Variants in MTREX observed in about 807,000 individuals in gnomAD.
MTREX encodes exosome RNA helicase MTR4.
In MTREX, 76 loss-of-function variants were observed where a neutral mutation model predicts 135.4. The observed-to-expected ratio is 0.56, with a 90% CI of 0.47 to 0.68. The LOEUF is 0.68. Ranked by LOEUF, MTREX falls within the 30% of genes least tolerant of loss-of-function variation. MTREX has a pLI of 0.00. For synonymous variants in MTREX, 404 were observed against 401.6 expected (o/e 1.01, Z -0.07); for missense variants, 920 against 1,262.1 (o/e 0.73, Z 4.11).
chr5:55,410,777 C>A, intron 23 of MTREX, 148 bp downstream of exon 23: 6 of 467,420 alleles, frequency 1.3e-5, no homozygotes, highest in South Asian at 9.3e-5. Context: ...CACAAATGTA[C>A]TAAGAAAATT....
At chr5:55,408,007 C>T (rs887869163) in intron 22 of MTREX, among the ~76,000 whole-genome samples, 1 of 152,128 alleles carries the variant, frequency 6.6e-6, no homozygotes, top group East Asian at 1.9e-4. Context: ...GTCCGCCCAC[C>T]TTACCACCCA....
At chr5:55,383,099 C>A (rs1750422572) in intron 18 of MTREX, among the ~76,000 whole-genome samples, 1 of 152,164 alleles carries the variant, frequency 6.6e-6, no homozygotes, top group African/African-American at 2.4e-5. Context: ...TTGCTCCCAC[C>A]TACTTCCATT....
intron 16 of MTREX, among the ~76,000 whole-genome samples, chr5:55,372,000 T>C (rs978329735): frequency 3.9e-5 from 6 of 152,122 alleles, no homozygotes; most frequent in Admixed American, 3.3e-4. Flanking sequence ...GATGCTTCCC[T>C]GTTATCCCCC....
At chr5:55,385,363 G>T (rs62360530) in intron 18 of MTREX, among the ~76,000 whole-genome samples, 19,641 of 152,122 alleles carry the variant, frequency 0.13, 1,516 homozygotes, top group East Asian at 0.26. Context: ...GTAGAGGCTA[G>T]GTGAACGAAG....
chr5:55,418,215 C>T (rs1219701313), intron 25 of MTREX, among the ~76,000 whole-genome samples: 1 of 120,834 alleles, frequency 8.3e-6, no homozygotes, highest in Non-Finnish European at 1.6e-5. Flanking sequence ...GCCTGGGTGA[C>T]AGAGCGAGAC....
At position 55,405,602 on chromosome 5, in the gene MTREX, A is replaced by T. The variant is rs1579897917; in HGVS notation, c.2645+14A>T. Reference sequence around the variant, plus strand: ...TGAGATAAGCAGGTAAAATCTGGTTATTGTTCTAGAAAGTTCATTTTTTTT... The same window carrying T: ...TGAGATAAGCAGGTAAAATCTGGTTTTTGTTCTAGAAAGTTCATTTTTTTT... On this transcript the variant is annotated intron_variant, in intron 22 of 26. Transcript: ENST00000230640. 6.3e-7 allele frequency: 1 copy of T among 1,588,836 alleles called. No individual in the cohort carries two copies. The highest frequency in any genetic ancestry group is 1.8e-5 in the Admixed American group (1 of 56,600).
In MTREX at chr5:55,425,355, T is replaced by C. The variant is rs1751152688; in HGVS notation, c.*583T>C. On this transcript the variant is annotated 3_prime_UTR_variant, in exon 27 of 27. Coordinates refer to ENST00000230640, the MANE Select transcript of MTREX (RefSeq NM_015360.5). The stretch of plus-strand genomic sequence containing the variant: ...ACAGCCTACAGTGCAAAATATTTAA[T>C]GGTATAATTTAGATCAAGTTAAAAA... The C allele has an allele frequency of 1.3e-6, 2 of 1,564,054 alleles. No homozygotes were observed. Among genetic ancestry groups the C allele is most frequent in the Non-Finnish European group, 1.7e-6 (2 of 1,148,054 alleles).
At chr5:55,389,868 G>C (rs1199323550) in intron 19 of MTREX, among the ~76,000 whole-genome samples, 1 of 151,972 alleles carries the variant, frequency 6.6e-6, no homozygotes, top group African/African-American at 2.4e-5. Flanking sequence ...TATATTGTTT[G>C]CCTTGTAGAT....
In MTREX at chr5:55,424,964, T is replaced by C. The variant is rs1053081452; in HGVS notation, c.*192T>C. On this transcript the variant is annotated 3_prime_UTR_variant, in exon 27 of 27. Coordinates refer to ENST00000230640, the MANE Select transcript of MTREX (RefSeq NM_015360.5). ...AAGCATTACATTTTTTTAATAAAAA[T>C]GTATACAGGTGGGGCACTGTTTTGG... The C allele has an allele frequency of 1.2e-5, 8 of 641,906 alleles. No homozygotes were observed. In the Admixed American group the frequency reaches 1.5e-4, roughly 12 times the overall value. 39.8% of individuals were successfully genotyped at this position (641,906 alleles called of 1,614,324 possible).
chr5:55,324,077 T>A, intron 2 of MTREX, 55 bp from the exon 3 acceptor site: 1 of 1,300,564 alleles, frequency 7.7e-7, no homozygotes. Flanking sequence ...AGGCTTATTA[T>A]CAAATTATAG....
chr5:55,349,397 C>T (rs532020309), intron 11 of MTREX, among the ~76,000 whole-genome samples, 176 bp from the exon 12 acceptor site: 2 of 152,200 alleles, frequency 1.3e-5, no homozygotes, highest in South Asian at 4.1e-4. Flanking sequence ...CCATGTTGCC[C>T]ATGCTGTTCT....
chr5:55,365,989 TAA>T (rs765319067), intron 15 of MTREX, among the ~76,000 whole-genome samples: 14 of 121,238 alleles, frequency 1.2e-4, no homozygotes, highest in African/African-American at 9.2e-5. Context: ...AGACCCCATC[TAA>T]AAAAAAAAAA....
intron 11 of MTREX, among the ~76,000 whole-genome samples, chr5:55,347,993 G>C (rs1311080027): frequency 6.6e-6 from 1 of 152,184 alleles, no homozygotes; most frequent in East Asian, 1.9e-4. Flanking sequence ...ACACCCGCAT[G>C]ATTCAGTCAT....
At chr5:55,416,274 AT>A (rs1750964473) in intron 25 of MTREX, 142 bp downstream of exon 25, 1 of 533,310 alleles carries the variant, frequency 1.9e-6, no homozygotes, top group Non-Finnish European at 3.1e-6. Context: ...AGATTAAAAA[AT>A]ATTCTCCACA....
At chr5:55,330,830 T>G (rs1749464286) in intron 5 of MTREX, among the ~76,000 whole-genome samples, 2 of 152,146 alleles carry the variant, frequency 1.3e-5, no homozygotes, top group South Asian at 4.1e-4. Context: ...GCAGGCCCCT[T>G]TAAGTTGTTC....
At chr5:55,406,875 T>G (rs2111605579) in intron 22 of MTREX, among the ~76,000 whole-genome samples, 1 of 152,324 alleles carries the variant, frequency 6.6e-6, no homozygotes, top group Middle Eastern at 3.4e-3. Flanking sequence ...AAAATACAAT[T>G]TATGATACTG....
intron 1 of MTREX, among the ~76,000 whole-genome samples, chr5:55,319,330 TTGTCA>T (rs1368075613): frequency 6.6e-6 from 1 of 152,248 alleles, no homozygotes; most frequent in Non-Finnish European, 1.5e-5. Flanking sequence ...AGTGATTTGG[TTGTCA>T]TGTCTTTTTT....
chr5:55,315,986 C>T (rs1749192768), intron 1 of MTREX, among the ~76,000 whole-genome samples: 1 of 151,870 alleles, frequency 6.6e-6, no homozygotes, highest in Non-Finnish European at 1.5e-5. Flanking sequence ...TAAAAACAAC[C>T]ATCAGAAACT....
At chr5:55,418,345 G>A (rs1181620146) in intron 25 of MTREX, among the ~76,000 whole-genome samples, 1 of 149,512 alleles carries the variant, frequency 6.7e-6, no homozygotes, top group African/African-American at 2.5e-5. Context: ...TGTCTTTATG[G>A]ATTATTTTTT....
Sources: gnomAD v4.1 joint callset for allele counts (sites outside exome capture counted in the v4.1 genomes callset) on GRCh38, gnomAD v4.1.1 for gene constraint, MANE v1.5 for transcripts, NCBI Gene and HGNC (gene_info 2026-07-23, HGNC 2026-07-21) for gene names.